EHHADH: variants seen among roughly 807,000 people sequenced by gnomAD.
EHHADH encodes the protein enoyl-CoA hydratase and 3-hydroxyacyl CoA dehydrogenase, also known as peroxisomal bifunctional enzyme.
A neutral mutation model predicts 64.4 loss-of-function variants in EHHADH; 48 were observed. That is an observed-to-expected ratio of 0.75 (90% CI 0.59 to 0.95). The LOEUF is 0.95. Ranked by LOEUF, EHHADH falls within the 40% of genes least tolerant of loss-of-function variation. The pLI is 0.00. For synonymous variants in EHHADH, 308 were observed against 326.7 expected, an observed-to-expected ratio of 0.94 and a Z score of 0.62; for missense variants, 854 against 876.6, an observed-to-expected ratio of 0.97 and a Z score of 0.33.
chr3:185,252,053 A>G (rs760734360), intron 1 of EHHADH, among the ~76,000 whole-genome samples: 3 of 152,296 alleles, frequency 2.0e-5, no homozygotes, highest in Non-Finnish European at 2.9e-5. Context: ...TGGGGGTGGC[A>G]CAGGTGGTTG....
rs1560004418 is a variant in EHHADH at position 185,193,188 on chromosome 3, C to T, written c.1210G>A (p.Ala404Thr). Residue 404 changes from alanine (A) to threonine (T), a missense_variant, in exon 7 of 7, where the codon GCA becomes ACA. Ala to Thr is a moderately conservative substitution (Grantham distance 58). Transcript: ENST00000231887. The part of the protein sequence containing the change: ...AELSAVCKPE[A>T]FLCTNTSALD... ...GCTGAAGTATTAGTGCACAAAAATGCTTCTGGTTTGCACACAGCTGAGAGT... is the reference window on the plus strand; with the variant it reads ...GCTGAAGTATTAGTGCACAAAAATGTTTCTGGTTTGCACACAGCTGAGAGT... 3 of 1,612,710 alleles carry T rather than the reference C, an allele frequency of 1.9e-6. No individual in the cohort carries two copies. The highest frequency in any genetic ancestry group is 2.5e-6 in the Non-Finnish European group (3 of 1,179,614).
chr3:185,223,018 C>T (rs1427046532), intron 4 of EHHADH, among the ~76,000 whole-genome samples: 2 of 152,160 alleles, frequency 1.3e-5, no homozygotes, highest in Admixed American at 1.3e-4. Context: ...AGGAAAATGG[C>T]ATGCTTGTTA....
chr3:185,193,472 C>T lies in EHHADH; in HGVS notation c.926G>A (p.Gly309Asp). 6.2e-7 allele frequency: 1 copy of T among 1,613,946 alleles called. No homozygotes were observed. Residue 309 changes from glycine (G) to aspartate (D), a missense_variant, in exon 7 of 7, where the codon GGC becomes GAC. By Grantham distance (94) the Gly-to-Asp change is moderately conservative. Coordinates refer to ENST00000231887, the MANE Select transcript of EHHADH (RefSeq NM_001966.4). ...TGCAAAAGAAATGACAATGCCTCGG[C>T]CCATTGTTCCCAAGCCTGCAGATAA... Reference protein sequence around the residue: ...SVGVVGLGTMGRGIVISFARA... With the variant: ...SVGVVGLGTMDRGIVISFARA...
intron 1 of EHHADH, among the ~76,000 whole-genome samples, chr3:185,250,283 A>C (rs1309102432): frequency 6.6e-6 from 1 of 152,228 alleles, no homozygotes; most frequent in African/African-American, 2.4e-5. Context: ...GAGATAGCTA[A>C]AACCAAGACT....
rs540216770 is a variant in EHHADH at position 185,234,871 on chromosome 3, T to G, written c.351+419A>C. 1.3e-4 allele frequency among the ~76,000 whole-genome samples: 20 copies of G among 152,292 alleles called. No individual in the cohort carries two copies. The South Asian group carries it at 3.9e-3, about 30-fold the overall frequency. On this transcript the variant is annotated intron_variant, in intron 3 of 6. Coordinates refer to ENST00000231887, the MANE Select transcript of EHHADH (RefSeq NM_001966.4). ...CGTAACAGCTGAAGTCGTTAACCAG[T>G]AAGCTAACCATTCAAAATTATCACC...
intron 5 of EHHADH, among the ~76,000 whole-genome samples, chr3:185,208,102 C>T (rs1455666508): frequency 1.3e-5 from 2 of 152,228 alleles, no homozygotes; most frequent in African/African-American, 2.4e-5. Flanking sequence ...CAGTCTTGCT[C>T]ATACTTTCTT....
At chr3:185,220,083 C>T (rs897472900) in intron 4 of EHHADH, among the ~76,000 whole-genome samples, 1 of 152,080 alleles carries the variant, frequency 6.6e-6, no homozygotes, top group Non-Finnish European at 1.5e-5. Context: ...CAAGCAAACA[C>T]AAAATGGGAC....
chr3:185,245,991 T>C, intron 2 of EHHADH: 8 of 1,483,974 alleles, frequency 5.4e-6, no homozygotes, highest in Non-Finnish European at 7.5e-6. Context: ...CCATCATCTT[T>C]TTTGCTATCT....
chr3:185,223,956 C>T (rs1560015327), intron 4 of EHHADH, among the ~76,000 whole-genome samples: 1 of 152,174 alleles, frequency 6.6e-6, no homozygotes, highest in Non-Finnish European at 1.5e-5. Context: ...AAGATTCGTT[C>T]ATTTTCAGAC....
chr3:185,193,130 T>G lies in EHHADH; in HGVS notation c.1268A>C (p.Asp423Ala), dbSNP rs1351892451. The G allele has an allele frequency of 6.2e-7, 1 of 1,613,170 alleles. No individual in the cohort carries two copies. Among genetic ancestry groups the G allele is most frequent in the East Asian group, 2.2e-5 (1 of 44,892 alleles). Reference sequence around the variant, plus strand: ...GGTGCCAATGACCAAGTGAGGACGATCAGTGGAAGAAGCAATCTCATCAAC... The same window carrying G: ...GGTGCCAATGACCAAGTGAGGACGAGCAGTGGAAGAAGCAATCTCATCAAC... ...LDVDEIASST[D>A]RPHLVIGTHF... Residue 423 changes from aspartate (D) to alanine (A), a missense_variant, in exon 7 of 7, where the codon GAT becomes GCT. Coordinates refer to ENST00000231887, the MANE Select transcript of EHHADH (RefSeq NM_001966.4).
At position 185,193,043 on chromosome 3, in the gene EHHADH, G is replaced by A. The variant is rs780181982; in HGVS notation, c.1355C>T (p.Ser452Phe). 25 of 1,614,092 alleles carry A rather than the reference G, an allele frequency of 1.5e-5. No homozygotes were observed. Among genetic ancestry groups the A allele is most frequent in the Non-Finnish European group, 2.1e-5 (25 of 1,180,050 alleles). ...LLEVIPSQYS[S>F]PTTIATVMNL... ...CATAACAGTGGCAATGGTAGTGGGG[G>A]AAGAGTATTGGCTGGGAATAACCTC... Residue 452 changes from serine to phenylalanine, a missense_variant, in exon 7 of 7, where the codon TCC (serine) becomes TTC (phenylalanine). By Grantham distance (155) the Ser-to-Phe change is radical. Transcript: ENST00000231887.
At position 185,218,897 on chromosome 3, in the gene EHHADH, C is replaced by T. The variant is rs181532518; in HGVS notation, c.464-657G>A. Among the ~76,000 whole-genome samples the T allele has an allele frequency of 5.9e-5, 9 of 152,176 alleles. No homozygotes were observed. The East Asian group carries it at 1.7e-3, about 29-fold the overall frequency. On this transcript the variant is annotated intron_variant, in intron 4 of 6. Transcript: ENST00000231887. ...AATTAACTGGGCATGGTAGTGGGCA[C>T]CTGTAATCCCAGCTACTCAGGAGGC...
intron 3 of EHHADH, among the ~76,000 whole-genome samples, chr3:185,230,096 G>A (rs922116052): frequency 9.9e-5 from 15 of 152,096 alleles, no homozygotes; most frequent in African/African-American, 3.6e-4. Flanking sequence ...AGCCATCAGA[G>A]GAATACAAAT....
intron 2 of EHHADH, among the ~76,000 whole-genome samples, chr3:185,237,739 C>A (rs1416685212): frequency 6.6e-6 from 1 of 152,184 alleles, no homozygotes; most frequent in Non-Finnish European, 1.5e-5. Context: ...TTCAGCTTCA[C>A]AGTACACTAA....
At chr3:185,233,624 A>G (rs1055213282) in intron 3 of EHHADH, among the ~76,000 whole-genome samples, 1 of 152,170 alleles carries the variant, frequency 6.6e-6, no homozygotes, top group African/African-American at 2.4e-5. Flanking sequence ...ACTAAATACA[A>G]AAAAAGCCCA....
intron 4 of EHHADH, among the ~76,000 whole-genome samples, chr3:185,228,061 C>T (rs7374394): frequency 0.8 from 118,186 of 148,310 alleles, 47,828 homozygotes; most frequent in Non-Finnish European, 0.87. Context: ...TGTATTGTTG[C>T]ATATGTTCTT....
At position 185,246,795 on chromosome 3, in the gene EHHADH, C is replaced by T. The variant is rs111635745; in HGVS notation, c.178+1619G>A. On this transcript the variant is annotated intron_variant, in intron 2 of 6. Coordinates refer to ENST00000231887, the MANE Select transcript of EHHADH (RefSeq NM_001966.4). ...TTCTACTTGATTAGGGTGTATTTTA[C>T]GGTTAGTTTGTCAGTTCCTTTACAT... 1.1e-3 allele frequency among the ~76,000 whole-genome samples: 166 copies of T among 152,088 alleles called. 1 individual carries two copies. The highest frequency in any genetic ancestry group is 3.7e-3 in the African/African-American group (152 of 41,506).
chr3:185,209,651 T>C (rs1718486450), intron 5 of EHHADH, among the ~76,000 whole-genome samples: 1 of 152,214 alleles, frequency 6.6e-6, no homozygotes, highest in Non-Finnish European at 1.5e-5. Context: ...TGAGTAAGGT[T>C]TGGATGTAAT....
chr3:185,232,159 C>T (rs1719151879), intron 3 of EHHADH, among the ~76,000 whole-genome samples: 1 of 152,114 alleles, frequency 6.6e-6, no homozygotes, highest in Non-Finnish European at 1.5e-5. Flanking sequence ...GTGATTCTAG[C>T]AGTTCCAAAA....
Sources: gnomAD v4.1 joint callset for allele counts (sites outside exome capture counted in the v4.1 genomes callset) on GRCh38, gnomAD v4.1.1 for gene constraint, MANE v1.5 for transcripts, NCBI Gene and HGNC (gene_info 2026-07-23, HGNC 2026-07-21) for gene names.